Variants in HYAL3 observed in about 807,000 individuals in gnomAD.
The protein encoded by HYAL3 is hyaluronidase-3.
A neutral mutation model predicts 29.6 loss-of-function variants in HYAL3; 25 were observed. The ratio of observed to expected loss-of-function variants is 0.85; its 90% CI spans 0.62 to 1.18. HYAL3 has a LOEUF of 1.18. HYAL3 is among the 50% of genes most tolerant of loss of function. The pLI is 0.00. For missense variants in HYAL3, 442 were observed against 548.4 expected, an observed-to-expected ratio of 0.81 and a Z score of 1.94; for synonymous variants, 215 against 218.3, an observed-to-expected ratio of 0.99 and a Z score of 0.13.
intron 1 of HYAL3, chr3:50,298,063 AG>A: frequency 4.1e-6 from 4 of 985,648 alleles, no homozygotes; most frequent in Middle Eastern, 5.2e-4. Context: ...TCTGTCTTCC[AG>A]TAGTCCTCCT....
Position 50,297,736 on chromosome 3 carries a change from T to C in HYAL3, c.-18+1477A>G, listed in dbSNP as rs1195785041. ...GGGTGGGGTTGGAGCAGGGAAGGGCTGACAGAGTGCAGGGGGGACCATGCA... is the reference window on the plus strand; with the variant it reads ...GGGTGGGGTTGGAGCAGGGAAGGGCCGACAGAGTGCAGGGGGGACCATGCA... On this transcript the variant is annotated intron_variant, in intron 1 of 3. Transcript: ENST00000336307. The surrounding 1 kb of genome is among the most constrained non-coding windows in gnomAD (Gnocchi z 4.3). 2 of 1,350,168 alleles carry C rather than the reference T, an allele frequency of 1.5e-6. No individual in the cohort carries two copies. The highest frequency in any genetic ancestry group is 3.0e-5 in the African/African-American group (2 of 67,188). The allele number at this position is 1,350,168 out of a possible 1,614,324, so 83.6% of individuals were successfully genotyped here.
At position 50,297,413 on chromosome 3, in the gene HYAL3, C is replaced by G. The variant is rs587730310; in HGVS notation, c.-17-1794G>C. The G allele has an allele frequency of 6.2e-7, 1 of 1,613,082 alleles. No homozygotes were observed. Among genetic ancestry groups the G allele is most frequent in the African/African-American group, 1.3e-5 (1 of 74,906 alleles). On this transcript the variant is annotated intron_variant, in intron 1 of 3. Transcript: ENST00000336307. This position sits in a 1 kb window ranked among gnomAD's most constrained non-coding sequence, Gnocchi z 4.3. Reference sequence around the variant, plus strand: ...AATCCAGGGGCAGCTTTGGCTGGCACGCAGGATCCAGAGTCAGCTCAGCTG... The same window carrying G: ...AATCCAGGGGCAGCTTTGGCTGGCAGGCAGGATCCAGAGTCAGCTCAGCTG...
At position 50,297,078 on chromosome 3, in the gene HYAL3, AC is replaced by A; in HGVS notation, c.-17-1460del. 6.5e-7 allele frequency: 1 copy of A among 1,538,712 alleles called. No individual in the cohort carries two copies. The highest frequency in any genetic ancestry group is 1.3e-5 in the South Asian group (1 of 79,366). ...TAAGAGGCTCTGGGGCTGGTTCAGC[AC>A]CCGTGACAGGCGGGCATGGCCCACC... On this transcript the variant is annotated intron_variant, in intron 1 of 3. Coordinates refer to ENST00000336307, the MANE Select transcript of HYAL3 (RefSeq NM_003549.4). This position sits in a 1 kb window ranked among gnomAD's most constrained non-coding sequence, Gnocchi z 4.3.
chr3:50,295,404 C>G lies in HYAL3; in HGVS notation c.199G>C (p.Gly67Arg). The G allele has an allele frequency of 1.2e-6, 2 of 1,614,164 alleles. No homozygotes were observed. The highest frequency in any genetic ancestry group is 1.7e-6 in the Non-Finnish European group (2 of 1,180,016). The change falls in exon 2 of 4, where the codon GGT becomes CGT. Residue 67 changes from glycine (G) to arginine (R), a missense_variant. By Grantham distance (125) the Gly-to-Arg change is moderately radical (BLOSUM62 -2). Transcript: ENST00000336307. ...TTGTAGAAAATGGTCATGTTCTGACCGTGAAAATGCTGGCCACGGTTGGCT... is the reference window on the plus strand; with the variant it reads ...TTGTAGAAAATGGTCATGTTCTGACGGTGAAAATGCTGGCCACGGTTGGCT... ...IIANRGQHFH[G>R]QNMTIFYKNQ... is the part of the protein sequence containing the mutation.
chr3:50,298,860 T>C, intron 1 of HYAL3: 1 of 1,276,354 alleles, frequency 7.8e-7, no homozygotes, highest in Non-Finnish European at 1.0e-6. Context: ...CCCTTTGGTC[T>C]AGAGGGAGGA....
At chr3:50,298,053 T>A (rs1701925349) in intron 1 of HYAL3, 2 of 985,524 alleles carry the variant, frequency 2.0e-6, no homozygotes, top group South Asian at 9.4e-5. Flanking sequence ...TTGCTGGCCT[T>A]CTGTCTTCCA....
chr3:50,296,534 G>A (rs1441941164), intron 1 of HYAL3: 18 of 1,547,378 alleles, frequency 1.2e-5, no homozygotes, highest in Non-Finnish European at 1.4e-5. Flanking sequence ...TATGGTCAGT[G>A]GGCTGAGGCT....
At chr3:50,298,836 C>T in intron 1 of HYAL3, 1 of 1,213,380 alleles carries the variant, frequency 8.2e-7, no homozygotes, top group Non-Finnish European at 1.0e-6. Context: ...TCAGCCACCT[C>T]TGCAGCAGCC....
At chr3:50,296,684 C>G (rs1553711212) in intron 1 of HYAL3, 1 of 1,613,650 alleles carries the variant, frequency 6.2e-7, no homozygotes. Flanking sequence ...TTGAAGGGGG[C>G]CCTGATGGAA....
intron 1 of HYAL3, 46 bp from the exon 2 acceptor site, chr3:50,295,665 C>G: frequency 6.9e-7 from 1 of 1,440,004 alleles, no homozygotes; most frequent in Non-Finnish European, 9.2e-7. Context: ...CAGCTATGGC[C>G]ACACCTTCCA....
rs1701788581 is a variant in HYAL3 at position 50,295,110 on chromosome 3, G to T, written c.493C>A (p.Gln165Lys). Residue 165 changes from glutamine to lysine, a missense_variant, in exon 2 of 4, where the codon CAG (glutamine) becomes AAG (lysine). By Grantham distance (53) the Gln-to-Lys change is moderately conservative (BLOSUM62 1). Transcript: ENST00000336307. Reference protein sequence around the residue: ...QVFPDLDPQEQLYKAYTGFEQ... With the variant: ...QVFPDLDPQEKLYKAYTGFEQ... ...AAGCCAGTATAGGCCTTGTAGAGCT[G>T]CTCCTGAGGGTCCAGGTCAGGGAAT... 6.2e-7 allele frequency: 1 copy of T among 1,613,504 alleles called. No homozygotes were observed. The highest frequency in any genetic ancestry group is 1.3e-5 in the African/African-American group (1 of 74,938).
At position 50,294,769 on chromosome 3, in the gene HYAL3, G is replaced by C. The variant is rs782179485; in HGVS notation, c.834C>G (p.Pro278=). 8 of 1,514,058 alleles carry C rather than the reference G, an allele frequency of 5.3e-6. No homozygotes were observed. Among genetic ancestry groups the C allele is most frequent in the East Asian group, 2.3e-5 (1 of 43,862 alleles). 93.8% of individuals were successfully genotyped at this position (1,514,058 alleles called of 1,614,324 possible). A position where few individuals can be genotyped will look rare whatever the true frequency, so the allele number is the denominator to read the frequency against. The change falls in exon 2 of 4, where the codon CCC becomes CCG. Residue 278 remains proline, a synonymous_variant. Coordinates refer to ENST00000336307, the MANE Select transcript of HYAL3 (RefSeq NM_003549.4). The stretch of plus-strand genomic sequence containing the variant: ...GGCGGACATAGGCCAGGACAGGCAG[G>C]GGATGTCGGTGCCCAACAAGGGCCA... ...FRVALVGHRH[P]LPVLAYVRLT... is the part of the protein sequence containing the mutation.
Position 50,294,808 on chromosome 3 carries a change from C to T in HYAL3, c.795G>A (p.Glu265=). The T allele has an allele frequency of 6.6e-7, 1 of 1,525,698 alleles. No individual in the cohort carries two copies. Among genetic ancestry groups the T allele is most frequent in the Admixed American group, 2.1e-5 (1 of 47,644 alleles). 94.5% of individuals were successfully genotyped at this position (1,525,698 alleles called of 1,614,324 possible). A position where few individuals can be genotyped will look rare whatever the true frequency, so the allele number is the denominator to read the frequency against. Residue 265 remains glutamate, a synonymous_variant, in exon 2 of 4, where the codon GAG becomes GAA. Coordinates refer to ENST00000336307, the MANE Select transcript of HYAL3 (RefSeq NM_003549.4). ...CAACAAGGGCCACACGGAAGGCCTC[C>T]TCCAGGCGATGTCGGACAAAGGCCT... ...HHQAFVRHRL[E]EAFRVALVGH...
Position 50,297,552 on chromosome 3 carries a change from T to C in HYAL3, c.-18+1661A>G. On this transcript the variant is annotated intron_variant, in intron 1 of 3. Coordinates refer to ENST00000336307, the MANE Select transcript of HYAL3 (RefSeq NM_003549.4). This position sits in a 1 kb window ranked among gnomAD's most constrained non-coding sequence, Gnocchi z 4.3. ...CCTATGCACAGGATCCAGGTTCAGC[T>C]GAGTCAGGCTGGGAGCCAAGGTCAC... is the stretch of plus-strand genomic sequence containing the variant. 1 of 1,502,282 alleles carries C rather than the reference T, an allele frequency of 6.7e-7. No individual in the cohort carries two copies. Among genetic ancestry groups the C allele is most frequent in the Non-Finnish European group, 8.9e-7 (1 of 1,124,344 alleles). 93.1% of individuals were successfully genotyped at this position (1,502,282 alleles called of 1,614,324 possible).
At position 50,293,126 on chromosome 3, in the gene HYAL3, C is replaced by T. The variant is rs782519762; in HGVS notation, c.*120G>A. Reference sequence around the variant, plus strand: ...TACCCCTCAGGGATTCCAAGGGAAGCGGGGTGTGTGCTTGGGAGGGTTGAC... The same window carrying T: ...TACCCCTCAGGGATTCCAAGGGAAGTGGGGTGTGTGCTTGGGAGGGTTGAC... On this transcript the variant is annotated 3_prime_UTR_variant, in exon 4 of 4. Coordinates refer to ENST00000336307, the MANE Select transcript of HYAL3 (RefSeq NM_003549.4). The T allele has an allele frequency of 1.6e-5, 24 of 1,510,108 alleles. No individual in the cohort carries two copies. The highest frequency in any genetic ancestry group is 2.1e-5 in the Non-Finnish European group (23 of 1,089,754). The allele number at this position is 1,510,108 out of a possible 1,614,324, so 93.5% of individuals were successfully genotyped here. A position where few individuals can be genotyped will look rare whatever the true frequency, so the allele number is the denominator to read the frequency against.
chr3:50,297,042 A>G lies in HYAL3; in HGVS notation c.-17-1423T>C. Reference sequence around the variant, plus strand: ...GCCCCTCAGGGCCCGGGCCACCACCACTGTCTCCACTAAGAGGCTCTGGGG... The same window carrying G: ...GCCCCTCAGGGCCCGGGCCACCACCGCTGTCTCCACTAAGAGGCTCTGGGG... On this transcript the variant is annotated intron_variant, in intron 1 of 3. Transcript: ENST00000336307. The surrounding 1 kb of genome is among the most constrained non-coding windows in gnomAD (Gnocchi z 4.3). 1.3e-6 allele frequency: 2 copies of G among 1,537,302 alleles called. No individual in the cohort carries two copies. Among genetic ancestry groups the G allele is most frequent in the Non-Finnish European group, 1.7e-6 (2 of 1,145,236 alleles).
In HYAL3 at chr3:50,298,228, T is replaced by G. The variant is rs1457971234; in HGVS notation, c.-18+985A>C. On this transcript the variant is annotated intron_variant, in intron 1 of 3. Coordinates refer to ENST00000336307, the MANE Select transcript of HYAL3 (RefSeq NM_003549.4). Reference sequence around the variant, plus strand: ...TCCGAGTCTCCTCCAGCTCCCAGCCTTTTCAACTACCTGGGCTATGCCCAC... The same window carrying G: ...TCCGAGTCTCCTCCAGCTCCCAGCCGTTTCAACTACCTGGGCTATGCCCAC... The G allele has an allele frequency of 1.1e-4, 60 of 550,276 alleles. 1 individual carries two copies. The highest frequency in any genetic ancestry group is 1.3e-4 in the Non-Finnish European group (58 of 432,666). 34.1% of individuals were successfully genotyped at this position (550,276 alleles called of 1,614,324 possible). A position where few individuals can be genotyped will look rare whatever the true frequency, so the allele number is the denominator to read the frequency against.
rs587743906 is a variant in HYAL3 at position 50,297,877 on chromosome 3, C to G, written c.-18+1336G>C. 466 of 1,018,048 alleles carry G rather than the reference C, an allele frequency of 4.6e-4. No homozygotes were observed. The highest frequency in any genetic ancestry group is 5.3e-4 in the Non-Finnish European group (450 of 852,098). 63.1% of individuals were successfully genotyped at this position (1,018,048 alleles called of 1,614,324 possible). A position where few individuals can be genotyped will look rare whatever the true frequency, so the allele number is the denominator to read the frequency against. ...GGGCAGATAGATCCAGGTGTCTACC[C>G]CACATTGGAGGGAGGCTGGGAGTGA... is the stretch of plus-strand genomic sequence containing the variant. On this transcript the variant is annotated intron_variant, in intron 1 of 3. Coordinates refer to ENST00000336307, the MANE Select transcript of HYAL3 (RefSeq NM_003549.4). This position sits in a 1 kb window ranked among gnomAD's most constrained non-coding sequence, Gnocchi z 4.3.
chr3:50,299,003 C>T (rs1255844579), intron 1 of HYAL3: 33 of 1,472,584 alleles, frequency 2.2e-5, no homozygotes, highest in Non-Finnish European at 3.0e-5. Flanking sequence ...TCCCGGGCCT[C>T]GGTTTCCCCC....
Sources: gnomAD v4.1 joint callset for allele counts on GRCh38, gnomAD v4.1.1 for gene constraint, Gnocchi (gnomAD v3.1) non-coding constraint, MANE v1.5 for transcripts, NCBI Gene and HGNC (gene_info 2026-07-23, HGNC 2026-07-21) for gene names.